Variants in CNTLN observed in about 807,000 individuals in gnomAD.
CNTLN encodes the protein centlein, centrosomal protein.
A neutral mutation model predicts 180.0 loss-of-function variants in CNTLN; 212 were observed. That is an observed-to-expected ratio of 1.18 (90% CI 1.05 to 1.32). The LOEUF (loss-of-function observed/expected upper bound fraction) is 1.32, where lower values mean the gene tolerates loss of function less well. Among genes scored for constraint, CNTLN ranks in the 40% most tolerant of loss-of-function variants. The pLI is 0.00. For missense variants in CNTLN, 2,095 were observed against 1,610.9 expected, an observed-to-expected ratio of 1.30 and a Z score of -5.14; for synonymous variants, 722 against 563.1, an observed-to-expected ratio of 1.28 and a Z score of -3.99.
intron 19 of CNTLN, among the ~76,000 whole-genome samples, chr9:17,459,917 C>T (rs1324631381): frequency 6.6e-6 from 1 of 151,704 alleles, no homozygotes; most frequent in Non-Finnish European, 1.5e-5. Flanking sequence ...AGAACTTCTA[C>T]ATACTAATTT....
intron 3 of CNTLN, among the ~76,000 whole-genome samples, chr9:17,231,521 A>T (rs1019112484): frequency 6.6e-6 from 1 of 152,122 alleles, no homozygotes; most frequent in African/African-American, 2.4e-5. Flanking sequence ...GACTTATGAT[A>T]ACCTAGTAAA....
intron 5 of CNTLN, among the ~76,000 whole-genome samples, chr9:17,251,475 C>A (rs964445923): frequency 6.6e-6 from 1 of 151,506 alleles, no homozygotes; most frequent in Non-Finnish European, 1.5e-5. Flanking sequence ...TTTAATTGTT[C>A]TATCTTGTAG....
At chr9:17,435,107 G>A (rs532684150) in intron 18 of CNTLN, among the ~76,000 whole-genome samples, 243 of 152,224 alleles carry the variant, frequency 1.6e-3, no homozygotes, top group African/African-American at 5.0e-3. Context: ...CTGACTGTAC[G>A]AGACTAGAAA....
intron 18 of CNTLN, among the ~76,000 whole-genome samples, chr9:17,417,777 T>G (rs1828377093): frequency 6.6e-6 from 1 of 151,862 alleles, no homozygotes; most frequent in African/African-American, 2.4e-5. Flanking sequence ...TTAGACATAC[T>G]TTTTTTTCCT....
Position 17,416,189 on chromosome 9 carries a change from G to A in CNTLN, c.3114G>A (p.Lys1038=). The part of the protein sequence containing the change: ...QRFQTSRQTI[K]KLNLDLAGLR... ...TTCAGACAAGCAGGCAGACAATAAAGGTAAAGAGAACTTTAAGATTGAACA... is the reference window on the plus strand; with the variant it reads ...TTCAGACAAGCAGGCAGACAATAAAAGTAAAGAGAACTTTAAGATTGAACA... Residue 1038 remains lysine, a splice_region_variant and synonymous_variant, in exon 18 of 26, where the codon AAG becomes AAA. Transcript: ENST00000380647. 1.2e-6 allele frequency: 2 copies of A among 1,608,824 alleles called. No homozygotes were observed. Among genetic ancestry groups the A allele is most frequent in the Non-Finnish European group, 1.7e-6 (2 of 1,177,358 alleles).
chr9:17,200,906 T>C (rs541265700), intron 2 of CNTLN, among the ~76,000 whole-genome samples: 1 of 152,306 alleles, frequency 6.6e-6, no homozygotes, highest in South Asian at 2.1e-4. Flanking sequence ...CCTTGTTTTG[T>C]GGTGGTTTTC....
At chr9:17,294,287 A>T (rs771836926) in intron 6 of CNTLN, among the ~76,000 whole-genome samples, 1 of 152,018 alleles carries the variant, frequency 6.6e-6, no homozygotes, top group Non-Finnish European at 1.5e-5. Flanking sequence ...TTATTGTCTT[A>T]TCTGGCCCCA....
At chr9:17,312,423 G>C (rs1364353071) in intron 8 of CNTLN, among the ~76,000 whole-genome samples, 1 of 140,668 alleles carries the variant, frequency 7.1e-6, no homozygotes, top group Non-Finnish European at 1.6e-5. Context: ...GTCTCACTCT[G>C]TCGCCCAGGC....
chr9:17,209,288 A>G (rs1007202262), intron 2 of CNTLN, among the ~76,000 whole-genome samples: 1 of 152,228 alleles, frequency 6.6e-6, no homozygotes, highest in African/African-American at 2.4e-5. Context: ...GATACTTGAT[A>G]TAATTTCAAT....
At chr9:17,308,009 C>T (rs577586903) in intron 7 of CNTLN, among the ~76,000 whole-genome samples, 413 of 148,754 alleles carry the variant, frequency 2.8e-3, no homozygotes, top group Non-Finnish European at 4.6e-3. Flanking sequence ...CACACACACA[C>T]ACACACACAT....
At chr9:17,458,801 A>G (rs1343604691) in intron 19 of CNTLN, among the ~76,000 whole-genome samples, 2 of 151,930 alleles carry the variant, frequency 1.3e-5, no homozygotes, top group African/African-American at 4.8e-5. Context: ...AACTTGGGTC[A>G]GTCACAACAT....
At chr9:17,181,080 A>C (rs1296706257) in intron 2 of CNTLN, among the ~76,000 whole-genome samples, 2 of 152,104 alleles carry the variant, frequency 1.3e-5, no homozygotes, top group Middle Eastern at 3.2e-3. Flanking sequence ...AATCTGTATG[A>C]TTATGTCTTT....
At chr9:17,270,125 G>A (rs1393660858) in intron 5 of CNTLN, among the ~76,000 whole-genome samples, 4 of 151,902 alleles carry the variant, frequency 2.6e-5, no homozygotes, top group South Asian at 2.1e-4. Flanking sequence ...TATATTTAAT[G>A]TCTGTTCTTT....
intron 14 of CNTLN, among the ~76,000 whole-genome samples, chr9:17,389,087 CTT>C (rs970674796): frequency 3.3e-5 from 5 of 151,938 alleles, no homozygotes; most frequent in Middle Eastern, 6.8e-3. Flanking sequence ...AACATAGTAA[CTT>C]ATATATTGTT....
At chr9:17,267,822 T>A (rs1827600505) in intron 5 of CNTLN, among the ~76,000 whole-genome samples, 1 of 152,228 alleles carries the variant, frequency 6.6e-6, no homozygotes, top group African/African-American at 2.4e-5. Context: ...TTCTTCCAGT[T>A]GATCGCATCG....
At chr9:17,507,052 T>C (rs548699745), downstream of CNTLN, among the ~76,000 whole-genome samples, 272 of 152,254 alleles carry the variant, frequency 1.8e-3, 3 homozygotes, top group South Asian at 0.021. Context: ...ATGAATACAT[T>C]GCATGATTCT....
At chr9:17,173,221 T>G (rs1356244900) in intron 2 of CNTLN, among the ~76,000 whole-genome samples, 1 of 152,176 alleles carries the variant, frequency 6.6e-6, no homozygotes, top group Non-Finnish European at 1.5e-5. Context: ...TACTTTAATT[T>G]TAATGTAAAA....
chr9:17,399,187 C>G (rs1221960057), intron 15 of CNTLN, among the ~76,000 whole-genome samples: 1 of 152,178 alleles, frequency 6.6e-6, no homozygotes, highest in Non-Finnish European at 1.5e-5. Context: ...CCTCTTTGAG[C>G]TACTCACTTC....
intron 5 of CNTLN, among the ~76,000 whole-genome samples, chr9:17,270,508 A>T (rs1464251194): frequency 6.6e-6 from 1 of 152,112 alleles, no homozygotes; most frequent in African/African-American, 2.4e-5. Context: ...AGTATAGCTT[A>T]TTTTGGATTT....
Sources: gnomAD v4.1 joint callset for allele counts (sites outside exome capture counted in the v4.1 genomes callset) on GRCh38, gnomAD v4.1.1 for gene constraint, MANE v1.5 for transcripts, NCBI Gene and HGNC (gene_info 2026-07-23, HGNC 2026-07-21) for gene names.